Variants in RGS3 observed in about 807,000 individuals in gnomAD.
RGS3 encodes the protein regulator of G-protein signalling 3.
In RGS3, 80 loss-of-function variants were observed where a neutral mutation model predicts 132.6. That is an observed-to-expected ratio of 0.60 (90% CI 0.50 to 0.73). The LOEUF (loss-of-function observed/expected upper bound fraction) is 0.73. Among genes scored for constraint, RGS3 ranks in the 30% least tolerant of loss-of-function variants. The pLI is 0.00. For synonymous variants in RGS3, 598 were observed against 620.6 expected, an observed-to-expected ratio of 0.96 and a Z score of 0.54; for missense variants, 1,382 against 1,530.8, an observed-to-expected ratio of 0.90 and a Z score of 1.62.
At chr9:113,534,398 A>G (rs772977428) in intron 18 of RGS3, among the ~76,000 whole-genome samples, 1 of 152,162 alleles carries the variant, frequency 6.6e-6, no homozygotes, top group Non-Finnish European at 1.5e-5. Context: ...CCAGGACCCC[A>G]CAGATACCAA....
chr9:113,597,164 C>T (rs1443835123), exon 25 of RGS3: 2 of 516,732 alleles, frequency 3.9e-6, no homozygotes, highest in Non-Finnish European at 6.8e-6. Context: ...TCCCCACTGC[C>T]CCGGTACGAG....
chr9:113,521,155 G>A (rs953937221), intron 16 of RGS3, among the ~76,000 whole-genome samples: 2 of 152,136 alleles, frequency 1.3e-5, no homozygotes, highest in African/African-American at 4.8e-5. Context: ...AAGGGTTAGG[G>A]TCACTACCAA....
intron 3 of RGS3, among the ~76,000 whole-genome samples, chr9:113,474,064 A>G (rs932589032): frequency 6.7e-6 from 1 of 150,184 alleles, no homozygotes; most frequent in African/African-American, 2.5e-5. Flanking sequence ...ATCCATGGGA[A>G]TCTAAATTAT....
At chr9:113,505,382 C>A in intron 10 of RGS3, 60 bp from the exon 9 acceptor site, 1 of 1,517,404 alleles carries the variant, frequency 6.6e-7, no homozygotes, top group Non-Finnish European at 9.1e-7. Context: ...GCTTCCTGAC[C>A]TTGGGGTAGA....
At chr9:113,585,999 A>C (rs1835097881) in intron 20 of RGS3, among the ~76,000 whole-genome samples, 1 of 152,118 alleles carries the variant, frequency 6.6e-6, no homozygotes, top group Non-Finnish European at 1.5e-5. Flanking sequence ...CACCAAGGGG[A>C]GGTAATTAAT....
At chr9:113,553,424 C>CA (rs1447512806) in intron 19 of RGS3, among the ~76,000 whole-genome samples, 7 of 79,500 alleles carry the variant, frequency 8.8e-5, no homozygotes, top group East Asian at 9.0e-4. Flanking sequence ...GCCTGGGCAA[C>CA]AGAGGGAAAC....
At chr9:113,584,012 A>G (rs1834971972) in exon 20 of RGS3, 7 of 1,614,138 alleles carry the variant, frequency 4.3e-6, no homozygotes, top group Non-Finnish European at 5.9e-6. Flanking sequence ...ACCTACAGCC[A>G]GAAGGCAGGG....
At chr9:113,532,813 T>G (rs1335605468) in intron 18 of RGS3, among the ~76,000 whole-genome samples, 1 of 151,824 alleles carries the variant, frequency 6.6e-6, no homozygotes, top group East Asian at 1.9e-4. Flanking sequence ...CTTTCATACT[T>G]TTGTAGGGAG....
intron 1 of RGS3, among the ~76,000 whole-genome samples, chr9:113,447,319 G>GTGTATATA (rs1301499712): frequency 1.4e-4 from 3 of 21,882 alleles, no homozygotes; most frequent in African/African-American, 1.6e-4. Context: ...AAATTCTGAT[G>GTGTATATA]TATGTATATG....
intron 14 of RGS3, among the ~76,000 whole-genome samples, chr9:113,509,841 C>T (rs772588891): frequency 2.0e-5 from 3 of 152,130 alleles, no homozygotes; most frequent in Admixed American, 6.5e-5. Flanking sequence ...TCTTTCTCTC[C>T]GGTCTGGGGC....
chr9:113,575,312 G>T (rs1299924647), intron 19 of RGS3, among the ~76,000 whole-genome samples: 1 of 152,142 alleles, frequency 6.6e-6, no homozygotes, highest in African/African-American at 2.4e-5. Flanking sequence ...GTCCCTGCGC[G>T]GGGGTGAGCT....
chr9:113,580,179 T>A (rs1331852849), intron 19 of RGS3, among the ~76,000 whole-genome samples: 1 of 152,236 alleles, frequency 6.6e-6, no homozygotes. Flanking sequence ...TTCGCCAGCA[T>A]CTGCTGATGT....
At chr9:113,549,504 T>A (rs1833244894) in intron 19 of RGS3, among the ~76,000 whole-genome samples, 1 of 152,180 alleles carries the variant, frequency 6.6e-6, no homozygotes, top group Non-Finnish European at 1.5e-5. Flanking sequence ...AAGTAATCCA[T>A]GTGATTGATG....
rs1444370637 is a variant in RGS3 at position 113,537,776 on chromosome 9, A to G, written c.2037+858A>G. On this transcript the variant is annotated intron_variant, in intron 19 of 24. Transcript: ENST00000350696. This position sits in a 1 kb window ranked among gnomAD's most constrained non-coding sequence, Gnocchi z 4.3. Reference sequence around the variant, plus strand: ...CCTGGTGCAGTCAGTCCCCTATGCCATGGGCAGCAGGCCTATGCAGGGGGC... The same window carrying G: ...CCTGGTGCAGTCAGTCCCCTATGCCGTGGGCAGCAGGCCTATGCAGGGGGC... Among the ~76,000 whole-genome samples the G allele has an allele frequency of 6.6e-6, 1 of 152,128 alleles. No individual in the cohort carries two copies. The highest frequency in any genetic ancestry group is 1.5e-5 in the Non-Finnish European group (1 of 68,016).
chr9:113,544,630 A>G (rs1833034659), intron 19 of RGS3, among the ~76,000 whole-genome samples: 1 of 152,230 alleles, frequency 6.6e-6, no homozygotes, highest in African/African-American at 2.4e-5. Context: ...GTGAGAGCCT[A>G]AACTTTGGAG....
At chr9:113,466,417 C>A (rs1203332405) in intron 3 of RGS3, among the ~76,000 whole-genome samples, 1 of 152,194 alleles carries the variant, frequency 6.6e-6, no homozygotes, top group East Asian at 1.9e-4. Flanking sequence ...GATGAGAATT[C>A]CCTTCGGGGA....
intron 3 of RGS3, among the ~76,000 whole-genome samples, chr9:113,462,559 A>C (rs779002373): frequency 9.9e-5 from 15 of 152,182 alleles, no homozygotes; most frequent in Non-Finnish European, 1.3e-4. Flanking sequence ...CCTGGGTTCA[A>C]ATTTCAGCTC....
At chr9:113,495,883 A>C (rs754142487) in intron 8 of RGS3, 37 bp downstream of exon 6, 2 of 1,569,472 alleles carry the variant, frequency 1.3e-6, no homozygotes, top group Non-Finnish European at 1.8e-6. Flanking sequence ...GATCATCCCA[A>C]CTGGGCCGGG....
intron 19 of RGS3, among the ~76,000 whole-genome samples, chr9:113,547,416 T>G (rs951965090): frequency 1.3e-5 from 2 of 152,176 alleles, no homozygotes; most frequent in Non-Finnish European, 2.9e-5. Flanking sequence ...GAGGTGCTTC[T>G]TCCAGCCTCC....
Sources: gnomAD v4.1 joint callset for allele counts (sites outside exome capture counted in the v4.1 genomes callset) on GRCh38, gnomAD v4.1.1 for gene constraint, Gnocchi (gnomAD v3.1) non-coding constraint, MANE v1.5 for transcripts, NCBI Gene and HGNC (gene_info 2026-07-23, HGNC 2026-07-21) for gene names.